The following CUL2 variants were observed in gnomAD, a reference collection of about 807,000 sequenced individuals.
The protein encoded by CUL2 is cullin 2, also known as cullin-2.
A neutral mutation model predicts 110.2 loss-of-function variants in CUL2; 22 were observed. The ratio of observed to expected loss-of-function variants is 0.20; its 90% CI spans 0.14 to 0.28. The LOEUF is 0.28. Among genes scored for constraint, CUL2 ranks in the 10% least tolerant of loss-of-function variants. The pLI, the probability that CUL2 is intolerant of heterozygous loss-of-function variation, is 1.00. For synonymous variants in CUL2, 279 were observed against 293.2 expected, an observed-to-expected ratio of 0.95 and a Z score of 0.49; for missense variants, 631 against 905.5, an observed-to-expected ratio of 0.70 and a Z score of 3.89.
intron 3 of CUL2, among the ~76,000 whole-genome samples, chr10:35,062,172 G>A (rs1398005209): frequency 1.3e-5 from 2 of 152,058 alleles, no homozygotes; most frequent in Non-Finnish European, 2.9e-5. Context: ...GCAAAATACT[G>A]CAAAATTCAC....
upstream of CUL2, among the ~76,000 whole-genome samples, chr10:35,095,528 T>G (rs1370243314): frequency 1.3e-5 from 2 of 152,110 alleles, no homozygotes; most frequent in Non-Finnish European, 2.9e-5. Flanking sequence ...ATTTTGATCT[T>G]TATGAAAATG....
intron 8 of CUL2, among the ~76,000 whole-genome samples, chr10:35,041,814 G>A (rs1011041573): frequency 2.0e-5 from 3 of 152,094 alleles, no homozygotes; most frequent in Admixed American, 1.3e-4. Flanking sequence ...TGCAATTACA[G>A]GTCTGAGCCA....
At chr10:35,019,386 T>C (rs2085127956) in intron 17 of CUL2, among the ~76,000 whole-genome samples, 1 of 152,156 alleles carries the variant, frequency 6.6e-6, no homozygotes, top group African/African-American at 2.4e-5. Flanking sequence ...TATTTTTCAA[T>C]ACTCTACCAG....
In CUL2 at chr10:35,030,353, T is replaced by C. The variant is rs565726762; in HGVS notation, c.1387-713A>G. ...AAAATCTGAATCTCTAATCTTGAAA[T>C]ATAAAAAGCTCATTAACACTACTTT... On this transcript the variant is annotated intron_variant, in intron 14 of 20. Transcript: ENST00000374749. Among the ~76,000 whole-genome samples the C allele has an allele frequency of 5.3e-5, 8 of 152,322 alleles. No individual in the cohort carries two copies. In the South Asian group the frequency reaches 1.7e-3, roughly 32 times the overall value.
At chr10:35,118,642 C>A (rs1277905019) in intron 1 of CUL2, 4 of 150,368 alleles carry the variant, frequency 2.7e-5, no homozygotes, top group Non-Finnish European at 4.4e-5. Flanking sequence ...ATTGTTTTAG[C>A]AGTTCTCATG....
At position 35,010,314 on chromosome 10, in the gene CUL2, C is replaced by T. The variant is rs1008233441; in HGVS notation, c.2235G>A (p.Ala745=). 5.0e-6 allele frequency: 8 copies of T among 1,605,134 alleles called. No individual in the cohort carries two copies. The highest frequency in any genetic ancestry group is 2.3e-5 in the East Asian group (1 of 44,316). The change falls in exon 21 of 21, where the codon GCG becomes GCA. Residue 745 remains alanine, a synonymous_variant. Transcript: ENST00000374749. Reference sequence around the variant, plus strand: ...ACCACGCTGGAGGAGAGCGACATCACGCGACGTAGCTGTATTCATCTGCCG... The same window carrying T: ...ACCACGCTGGAGGAGAGCGACATCATGCGACGTAGCTGTATTCATCTGCCG... The part of the protein sequence containing the change: ...QASADEYSYV[A]
intron 17 of CUL2, among the ~76,000 whole-genome samples, chr10:35,017,292 C>G (rs2085060808): frequency 6.6e-6 from 1 of 152,070 alleles, no homozygotes; most frequent in Admixed American, 6.5e-5. Context: ...CAGACCCATT[C>G]TCTTGCTGAA....
In CUL2 at chr10:35,044,683, A is replaced by G; in HGVS notation, c.604-7T>C. On this transcript the variant is annotated splice_polypyrimidine_tract_variant and splice_region_variant and intron_variant, in intron 7 of 20. Transcript: ENST00000374749. ...CAAAAATTTCCTGATAAAACTGAAT[A>G]AATCAATTACATCATATTAGAAGAA... 1 of 1,593,126 alleles carries G rather than the reference A, an allele frequency of 6.3e-7. No individual in the cohort carries two copies. Among genetic ancestry groups the G allele is most frequent in the African/African-American group, 1.3e-5 (1 of 74,466 alleles).
intron 9 of CUL2, among the ~76,000 whole-genome samples, chr10:35,035,691 C>G (rs7079205): frequency 6.6e-6 from 1 of 151,964 alleles, no homozygotes; most frequent in African/African-American, 2.4e-5. Context: ...TTCTTAACAA[C>G]TGATGGAAAT....
At chr10:35,119,867 T>C (rs1375865062) in intron 1 of CUL2, 1 of 152,242 alleles carries the variant, frequency 6.6e-6, no homozygotes, top group East Asian at 1.9e-4. Flanking sequence ...ACAGGCCACC[T>C]TGCCCAGCTC....
At chr10:35,012,154 T>C (rs2084919243) in intron 19 of CUL2, among the ~76,000 whole-genome samples, 190 bp from the exon 20 acceptor site, 1 of 151,648 alleles carries the variant, frequency 6.6e-6, no homozygotes, top group Admixed American at 6.6e-5. Flanking sequence ...CCTGGGTTCA[T>C]GTGATTCTCA....
At chr10:35,030,247 C>T (rs2085447361) in intron 14 of CUL2, among the ~76,000 whole-genome samples, 1 of 152,172 alleles carries the variant, frequency 6.6e-6, no homozygotes, top group African/African-American at 2.4e-5. Flanking sequence ...TCTATTTAGG[C>T]ATATTTTTAA....
At chr10:35,051,336 A>T (rs1054287202) in intron 5 of CUL2, among the ~76,000 whole-genome samples, 1 of 150,176 alleles carries the variant, frequency 6.7e-6, no homozygotes, top group Non-Finnish European at 1.5e-5. Flanking sequence ...AAAACCGGCC[A>T]GGCGCGGTGG....
At chr10:35,053,061 C>T (rs1018519243) in intron 5 of CUL2, among the ~76,000 whole-genome samples, 9 of 151,526 alleles carry the variant, frequency 5.9e-5, no homozygotes, top group Non-Finnish European at 1.3e-4. Context: ...TTATGTGTGC[C>T]GTTTTATCGC....
intron 4 of CUL2, among the ~76,000 whole-genome samples, chr10:35,059,043 A>G (rs1417715607): frequency 1.3e-5 from 2 of 152,214 alleles, no homozygotes; most frequent in South Asian, 2.1e-4. Flanking sequence ...ATCTCATGAT[A>G]TAACTTGAAT....
At chr10:35,111,406 C>G (rs950360256) in intron 1 of CUL2, among the ~76,000 whole-genome samples, 2 of 151,926 alleles carry the variant, frequency 1.3e-5, no homozygotes, top group African/African-American at 4.8e-5. Flanking sequence ...TGTGCACCAC[C>G]ACGCCTAACT....
At chr10:35,091,477 A>G (rs1460308204), upstream of CUL2, among the ~76,000 whole-genome samples, 1 of 152,122 alleles carries the variant, frequency 6.6e-6, no homozygotes, top group Non-Finnish European at 1.5e-5. Flanking sequence ...TGTTTCCATT[A>G]TGTGACCTTT....
intron 6 of CUL2, among the ~76,000 whole-genome samples, chr10:35,045,368 C>A (rs1341341679): frequency 1.3e-5 from 2 of 151,946 alleles, no homozygotes; most frequent in African/African-American, 4.8e-5. Flanking sequence ...GTGGGAGGAT[C>A]CCTGAGTGCT....
chr10:35,070,407 C>G (rs556269390), intron 2 of CUL2, among the ~76,000 whole-genome samples: 1 of 152,270 alleles, frequency 6.6e-6, no homozygotes, highest in South Asian at 2.1e-4. Context: ...TCAGAACAAG[C>G]TGAACTACTA....
Sources: allele counts gnomAD v4.1 joint callset (sites outside exome capture counted in the v4.1 genomes callset), GRCh38; gene constraint gnomAD v4.1.1; transcripts MANE v1.5; gene names NCBI Gene and HGNC (gene_info 2026-07-23, HGNC 2026-07-21).